Variants in DOP1A observed in about 807,000 individuals in gnomAD.
The protein encoded by DOP1A is DOP1 leucine zipper like protein A.
DOP1A carries 90 observed loss-of-function variants against 267.6 expected under a neutral mutation model. The ratio of observed to expected loss-of-function variants is 0.34; its 90% CI spans 0.28 to 0.40. DOP1A has a LOEUF of 0.40. Among genes scored for constraint, DOP1A ranks in the 10% least tolerant of loss-of-function variants. DOP1A has a pLI of 1.00. For synonymous variants in DOP1A, 932 were observed against 999.1 expected (o/e 0.93, Z 1.27); for missense variants, 2,437 against 2,900.4 (o/e 0.84, Z 3.67).
rs1426461938 is a variant in DOP1A, at chr6:83,168,357, T to G, written c.*190T>G. ...TGAATCAAGTTTAAATATTGTTGGCTCATACTGATTATGGTGCCTAAGAGA... is the reference window on the plus strand; with the variant it reads ...TGAATCAAGTTTAAATATTGTTGGCGCATACTGATTATGGTGCCTAAGAGA... On this transcript the variant is annotated 3_prime_UTR_variant, in exon 39 of 39. Coordinates refer to ENST00000349129, the MANE Select transcript of DOP1A (RefSeq NM_015018.4). 3 of 1,397,734 alleles carry G rather than the reference T, an allele frequency of 2.1e-6. No individual in the cohort carries two copies. The African/African-American group carries it at 4.3e-5, about 20-fold the overall frequency. The allele number at this position is 1,397,734 out of a possible 1,614,324, so 86.6% of individuals were successfully genotyped here. A position where few individuals can be genotyped will look rare whatever the true frequency, so the allele number is the denominator to read the frequency against.
At chr6:83,070,968 CTT>C (rs755654513) in intron 1 of DOP1A, among the ~76,000 whole-genome samples, 1 of 152,164 alleles carries the variant, frequency 6.6e-6, no homozygotes, top group Non-Finnish European at 1.5e-5. Context: ...CTTGGAATAA[CTT>C]TGAGTAAAAA....
rs147082664 is a variant in DOP1A, at chr6:83,072,340, A to G, written c.-147+4561A>G. Among the ~76,000 whole-genome samples the G allele has an allele frequency of 2.5e-3, 373 of 151,736 alleles. 2 individuals carry two copies. The highest frequency in any genetic ancestry group is 8.6e-3 in the African/African-American group (357 of 41,392). ...AAAAAAAAAATTAACCTGAGTGGTG[A>G]TAAGTTTATCAGTACACACAATCAT... On this transcript the variant is annotated intron_variant, in intron 1 of 38. Transcript: ENST00000349129.
At chr6:83,117,604 G>T (rs1775673003) in intron 7 of DOP1A, among the ~76,000 whole-genome samples, 1 of 152,182 alleles carries the variant, frequency 6.6e-6, no homozygotes, top group Non-Finnish European at 1.5e-5. Flanking sequence ...CTGCTATGCT[G>T]CCTCTTTTCA....
At chr6:83,164,586 TA>T (rs1164119026) in intron 38 of DOP1A, 7 of 1,419,812 alleles carry the variant, frequency 4.9e-6, no homozygotes, top group Non-Finnish European at 4.9e-6. Flanking sequence ...CAAATCACCT[TA>T]AACAAGGTCT....
intron 1 of DOP1A, among the ~76,000 whole-genome samples, chr6:83,073,762 G>C (rs1483180069): frequency 6.6e-6 from 1 of 152,142 alleles, no homozygotes; most frequent in Non-Finnish European, 1.5e-5. Flanking sequence ...TTTCGAAGTG[G>C]CTCACTCATG....
At chr6:83,162,095 G>C (rs1784363480) in intron 37 of DOP1A, among the ~76,000 whole-genome samples, 1 of 152,090 alleles carries the variant, frequency 6.6e-6, no homozygotes, top group African/African-American at 2.4e-5. Context: ...TTAAAAGAGA[G>C]GGTTGGTTGT....
chr6:83,132,113 G>A, intron 17 of DOP1A, 63 bp from the exon 18 acceptor site: 2 of 1,557,094 alleles, frequency 1.3e-6, no homozygotes, highest in South Asian at 1.2e-5. Flanking sequence ...GTACCTAATA[G>A]GAAATATTTG....
rs1481946185 is a variant in DOP1A, at chr6:83,125,710, G to C, written c.1696G>C (p.Val566Leu). 5 of 1,610,334 alleles carry C rather than the reference G, an allele frequency of 3.1e-6. No homozygotes were observed. Among genetic ancestry groups the C allele is most frequent in the South Asian group, 1.1e-5 (1 of 90,976 alleles). The change falls in exon 15 of 39, where the codon GTC (valine) becomes CTC (leucine). Residue 566 changes from valine (V) to leucine (L), a missense_variant. Around this residue, in one of 9 missense-constraint regions of DOP1A, gnomAD observed 498 missense variants for 513.5 expected, o/e 0.97. Coordinates refer to ENST00000349129, the MANE Select transcript of DOP1A (RefSeq NM_015018.4). ...LQFPSGQNNS[V>L]KEWEDKKVSS... ...GTTTCCAAGTGGGCAGAACAATTCA[G>C]TCAAAGAGTGGGAAGACAAAAAGGT... is the stretch of plus-strand genomic sequence containing the variant.
chr6:83,135,838 G>A lies in DOP1A; in HGVS notation c.3090G>A (p.Glu1030=). 2 of 1,613,632 alleles carry A rather than the reference G, an allele frequency of 1.2e-6. No homozygotes were observed. Among genetic ancestry groups the A allele is most frequent in the Non-Finnish European group, 1.7e-6 (2 of 1,179,654 alleles). ...AGTCTCCCTGTTATCCAGGAGAGGAGAGTGACAAGCATTTCATGCAAAATT... is the reference window on the plus strand; with the variant it reads ...AGTCTCCCTGTTATCCAGGAGAGGAAAGTGACAAGCATTTCATGCAAAATT... The part of the protein sequence containing the change: ...WNKSPCYPGE[E]SDKHFMQNFA... The change falls in exon 20 of 39, where the codon GAG becomes GAA. Residue 1030 remains glutamate, a synonymous_variant. Coordinates refer to ENST00000349129, the MANE Select transcript of DOP1A (RefSeq NM_015018.4).
intron 36 of DOP1A, among the ~76,000 whole-genome samples, chr6:83,159,308 T>A (rs2128401112): frequency 6.6e-6 from 1 of 152,220 alleles, no homozygotes; most frequent in African/African-American, 2.4e-5. Context: ...GGGTCTCATC[T>A]TTTCACCCAG....
At chr6:83,170,770 A>T (rs1007681212), downstream of DOP1A, 3 of 245,694 alleles carry the variant, frequency 1.2e-5, no homozygotes, top group East Asian at 2.4e-4. Flanking sequence ...CAAAAACAGG[A>T]TAAGTGGTAG....
At chr6:83,129,530 T>G (rs201943137) in intron 16 of DOP1A, 22 bp downstream of exon 16, 1 of 1,489,488 alleles carries the variant, frequency 6.7e-7, no homozygotes, top group East Asian at 2.3e-5. Context: ...TCAGTTTTGC[T>G]TATATTTCAG....
At chr6:83,106,764 C>A (rs1302565018) in intron 4 of DOP1A, among the ~76,000 whole-genome samples, 1 of 149,054 alleles carries the variant, frequency 6.7e-6, no homozygotes, top group Non-Finnish European at 1.5e-5. Flanking sequence ...GAGCTGGTTG[C>A]ACCACTACAC....
Position 83,137,497 on chromosome 6 carries a change from T to C in DOP1A, c.3455T>C (p.Val1152Ala). Residue 1152 changes from valine (V) to alanine (A), a missense_variant, in exon 21 of 39, where the codon GTA becomes GCA. By Grantham distance (64) the Val-to-Ala change is moderately conservative. Transcript: ENST00000349129. ...ESSPDDDVQQ[V>A]VFDLICKVVS... ...TCCCCAGATGATGATGTTCAACAGG[T>C]AGTATTTGACCTGATATGTAAAGTT... 1 of 1,613,780 alleles carries C rather than the reference T, an allele frequency of 6.2e-7. No individual in the cohort carries two copies. The highest frequency in any genetic ancestry group is 2.2e-5 in the East Asian group (1 of 44,844).
intron 16 of DOP1A, among the ~76,000 whole-genome samples, 162 bp downstream of exon 16, chr6:83,129,670 T>C (rs1187503889): frequency 1.3e-5 from 2 of 152,150 alleles, no homozygotes; most frequent in East Asian, 1.9e-4. Flanking sequence ...TATGGGGAGA[T>C]TGATATATTG....
chr6:83,158,439 A>C (rs1261923980), intron 35 of DOP1A, 128 bp from the exon 36 acceptor site: 1 of 759,808 alleles, frequency 1.3e-6, no homozygotes, highest in African/African-American at 1.8e-5. Flanking sequence ...GAAACTAAGT[A>C]TAATTTAAAA....
intron 1 of DOP1A, among the ~76,000 whole-genome samples, chr6:83,093,909 G>A (rs899301127): frequency 2.5e-4 from 38 of 152,088 alleles, no homozygotes; most frequent in East Asian, 1.9e-4. Context: ...GTGAGACTCC[G>A]TCTCAAAAAC....
At chr6:83,124,233 A>G (rs1030645798) in intron 12 of DOP1A, among the ~76,000 whole-genome samples, 4 of 152,096 alleles carry the variant, frequency 2.6e-5, no homozygotes, top group African/African-American at 7.2e-5. Context: ...GATCTCTACT[A>G]CTTGGATCAG....
Position 83,162,884 on chromosome 6 carries a change from G to T in DOP1A, c.7057G>T (p.Val2353Leu). Residue 2353 changes from valine to leucine, a missense_variant, in exon 38 of 39, where the codon GTA (valine) becomes TTA (leucine). Coordinates refer to ENST00000349129, the MANE Select transcript of DOP1A (RefSeq NM_015018.4). ...TCAACGAGAATTTAAACCTTACGTG[G>T]TACGACTAGCAAAACTTCTTCGGAA... ...IHQREFKPYV[V>L]RLAKLLRKRA... is the part of the protein sequence containing the mutation. 6.2e-7 allele frequency: 1 copy of T among 1,612,946 alleles called. No individual in the cohort carries two copies. Among genetic ancestry groups the T allele is most frequent in the Admixed American group, 1.7e-5 (1 of 59,912 alleles).
Sources: gnomAD v4.1 joint callset for allele counts (sites outside exome capture counted in the v4.1 genomes callset) on GRCh38, gnomAD v4.1.1 for gene constraint, gnomAD v4.1.1 regional missense constraint, MANE v1.5 for transcripts, NCBI Gene and HGNC (gene_info 2026-07-23, HGNC 2026-07-21) for gene names.